Variants in CFAP46 observed in about 807,000 individuals in gnomAD.
CFAP46 encodes the protein cilia- and flagella-associated protein 46.
Under a neutral mutation model 325.7 loss-of-function variants are expected in CFAP46, and 245 were observed. The observed-to-expected ratio is 0.75, with a 90% CI of 0.68 to 0.84. The LOEUF is 0.84. Among genes scored for constraint, CFAP46 ranks in the 40% least tolerant of loss-of-function variants. The probability of loss-of-function intolerance (pLI) is 0.00; values close to 1 mark genes in which losing one functional copy is unlikely to be tolerated. For synonymous variants in CFAP46, 1,523 were observed against 1,495.9 expected (o/e 1.02, Z -0.42); for missense variants, 3,346 against 3,543.0 (o/e 0.94, Z 1.41).
At chr10:132,900,218 A>AGAGCCCTGCTGCCC (rs1488617446) in intron 22 of CFAP46, among the ~76,000 whole-genome samples, 1 of 152,208 alleles carries the variant, frequency 6.6e-6, no homozygotes, top group East Asian at 1.9e-4. Context: ...CTCCCCTCTA[A>AGAGCCCTGCTGCCC]GAGCCCTGCT....
intron 34 of CFAP46, among the ~76,000 whole-genome samples, chr10:132,866,498 C>T (rs200944754): frequency 6.6e-6 from 1 of 152,242 alleles, no homozygotes; most frequent in Non-Finnish European, 1.5e-5. Flanking sequence ...GTGTAGGACC[C>T]CTTGCCCCAC....
chr10:132,940,808 C>T (rs1327493905), intron 4 of CFAP46, among the ~76,000 whole-genome samples, 188 bp downstream of exon 4: 2 of 152,188 alleles, frequency 1.3e-5, no homozygotes, highest in East Asian at 1.9e-4. Flanking sequence ...GGCTGTTACT[C>T]GGAATTCGGC....
chr10:132,878,735 C>T (rs1405560893), intron 29 of CFAP46, among the ~76,000 whole-genome samples: 1 of 152,210 alleles, frequency 6.6e-6, no homozygotes, highest in African/African-American at 2.4e-5. Flanking sequence ...GGGGGCCTCC[C>T]TGCCTTTCCT....
intron 22 of CFAP46, 107 bp from the exon 23 acceptor site, chr10:132,899,773 A>T: frequency 7.0e-6 from 9 of 1,287,412 alleles, no homozygotes; most frequent in Non-Finnish European, 8.3e-6. Context: ...GTATTCTAAG[A>T]TGGGGCACCT....
chr10:132,853,307 C>T (rs1170996211), intron 39 of CFAP46, among the ~76,000 whole-genome samples: 2 of 152,114 alleles, frequency 1.3e-5, no homozygotes, highest in Admixed American at 6.5e-5. Context: ...CAAAGATGAT[C>T]ATATGGTTTT....
rs965675782 is a variant in CFAP46, at chr10:132,889,104, T to G, written c.3305-3145A>C. On this transcript the variant is annotated intron_variant, in intron 25 of 57. Coordinates refer to ENST00000368586, the MANE Select transcript of CFAP46 (RefSeq NM_001200049.3). This position sits in a 1 kb window ranked among gnomAD's most constrained non-coding sequence, Gnocchi z 6.0. ...TGACCCCAAGGAAAGACAAACCCCT[T>G]TCTCCCAGCGCCCTCCCCCAGCACT... Among the ~76,000 whole-genome samples, 1 of 152,152 alleles carries G rather than the reference T, an allele frequency of 6.6e-6. No individual in the cohort carries two copies. The highest frequency in any genetic ancestry group is 1.5e-5 in the Non-Finnish European group (1 of 68,018).
rs1375960730 is a variant in CFAP46 at position 132,885,754 on chromosome 10, C to T, written c.3443+67G>A. On this transcript the variant is annotated intron_variant, in intron 26 of 57. Coordinates refer to ENST00000368586, the MANE Select transcript of CFAP46 (RefSeq NM_001200049.3). Reference sequence around the variant, plus strand: ...ACTCACAGGCGGTGTGGGGAGCACTCACAGGCGGTGGGGGGAGCACTCAGG... The same window carrying T: ...ACTCACAGGCGGTGTGGGGAGCACTTACAGGCGGTGGGGGGAGCACTCAGG... 8 of 1,452,432 alleles carry T rather than the reference C, an allele frequency of 5.5e-6. No homozygotes were observed. In the South Asian group the frequency reaches 9.0e-5, roughly 16 times the overall value. The allele number at this position is 1,452,432 out of a possible 1,614,324, so 90.0% of individuals were successfully genotyped here.
intron 49 of CFAP46, 100 bp downstream of exon 49, chr10:132,833,941 G>C: frequency 9.2e-7 from 1 of 1,087,538 alleles, no homozygotes; most frequent in East Asian, 2.4e-5. Context: ...CTGGGTTCCT[G>C]ACCCCCCCTG....
intron 50 of CFAP46, among the ~76,000 whole-genome samples, chr10:132,822,853 T>TG (rs1363519583): frequency 7.2e-6 from 1 of 139,318 alleles, no homozygotes; most frequent in Non-Finnish European, 1.6e-5. Flanking sequence ...GTGTGCACTG[T>TG]GTGCTGTGTG....
chr10:132,809,353 C>T lies in CFAP46; in HGVS notation c.7665-449G>A, dbSNP rs562176563. ...CAGCCAGCCTGGCTCTGCCCTTCCC[C>T]GATTCCCCAGCAGGGCATCGTGTGG... is the stretch of plus-strand genomic sequence containing the variant. On this transcript the variant is annotated intron_variant, in intron 57 of 57. Coordinates refer to ENST00000368586, the MANE Select transcript of CFAP46 (RefSeq NM_001200049.3). Among the ~76,000 whole-genome samples the T allele has an allele frequency of 1.1e-4, 16 of 152,346 alleles. No homozygotes were observed. The South Asian group carries it at 2.9e-3, about 28-fold the overall frequency.
chr10:132,880,932 C>G lies in CFAP46; in HGVS notation c.3728G>C (p.Arg1243Pro), dbSNP rs201792620. 1.3e-6 allele frequency: 2 copies of G among 1,550,244 alleles called. No individual in the cohort carries two copies. Among genetic ancestry groups the G allele is most frequent in the Non-Finnish European group, 1.7e-6 (2 of 1,146,904 alleles). Residue 1243 changes from arginine to proline, a missense_variant, in exon 28 of 58, where the codon CGC becomes CCC. Arg to Pro is a moderately radical substitution (Grantham distance 103). Transcript: ENST00000368586. ...GGCCAGCAGGATCTCGACAGCCCAG[C>G]GGAGGTGGAAGACCACGTCCTCGAG... ...FPLEDVVFHL[R>P]WAVEILLAMK... is the part of the protein sequence containing the mutation.
chr10:132,942,369 C>A, intron 1 of CFAP46, 67 bp downstream of exon 1: 1 of 1,328,558 alleles, frequency 7.5e-7, no homozygotes, highest in Non-Finnish European at 9.7e-7. Context: ...GGGGCCTCCC[C>A]GGGGCGGGGG....
chr10:132,929,225 G>C (rs1204688615), intron 9 of CFAP46: 4 of 465,628 alleles, frequency 8.6e-6, no homozygotes, highest in East Asian at 6.5e-5. Context: ...CTAATAATAA[G>C]ATACAATCAT....
Position 132,877,960 on chromosome 10 carries a change from C to T in CFAP46, c.4133G>A (p.Ser1378Asn), listed in dbSNP as rs1848980724. The T allele has an allele frequency of 2.6e-6, 4 of 1,549,268 alleles. No homozygotes were observed. Among genetic ancestry groups the T allele is most frequent in the Admixed American group, 3.9e-5 (2 of 50,822 alleles). ...ERSKEKEKER[S>N]KEKENERSKE... is the part of the protein sequence containing the mutation. ...ACTCCTCTCATTCTCCTTCTCTTTA[C>T]TCCTCTCCTTCTCCTTCTCTTTACT... The change falls in exon 30 of 58, where the codon AGT (serine) becomes AAT (asparagine). Residue 1378 changes from serine (S) to asparagine (N), a missense_variant. Coordinates refer to ENST00000368586, the MANE Select transcript of CFAP46 (RefSeq NM_001200049.3). The surrounding 1 kb of genome is among the most constrained non-coding windows in gnomAD (Gnocchi z 5.7).
Position 132,938,810 on chromosome 10 carries a change from G to T in CFAP46, c.372-57C>A, listed in dbSNP as rs112101519. 4,605 of 1,547,494 alleles carry T rather than the reference G, an allele frequency of 3.0e-3. 127 individuals are homozygous for T. The African/African-American group carries it at 0.053, about 18-fold the overall frequency. ...GCTCAAAGCCCAGCCGGCCCAAGCT[G>T]CAGAACCAAGGGGCCGCTGTGTCTC... On this transcript the variant is annotated intron_variant, in intron 4 of 57. Coordinates refer to ENST00000368586, the MANE Select transcript of CFAP46 (RefSeq NM_001200049.3).
At chr10:132,864,754 C>T (rs1178970528) in intron 35 of CFAP46, among the ~76,000 whole-genome samples, 7 of 141,666 alleles carry the variant, frequency 4.9e-5, no homozygotes, top group African/African-American at 1.6e-4. Context: ...ACACTCCTCT[C>T]CCCCTGCCTG....
intron 41 of CFAP46, among the ~76,000 whole-genome samples, chr10:132,849,809 G>A (rs1172803683): frequency 6.6e-6 from 1 of 152,184 alleles, no homozygotes; most frequent in Non-Finnish European, 1.5e-5. Flanking sequence ...TGGCATGGGG[G>A]CCACGGCGCC....
rs865900806 is a variant in CFAP46 at position 132,832,397 on chromosome 10, C to T, written c.7117+961G>A. Among the ~76,000 whole-genome samples the T allele has an allele frequency of 2.1e-5, 3 of 142,694 alleles. No homozygotes were observed. Among genetic ancestry groups the T allele is most frequent in the Admixed American group, 1.4e-4 (2 of 14,460 alleles). The allele number at this position is 142,694 out of a possible 152,430, so 93.6% of individuals were successfully genotyped here. A position where few individuals can be genotyped will look rare whatever the true frequency, so the allele number is the denominator to read the frequency against. On this transcript the variant is annotated intron_variant, in intron 50 of 57. Coordinates refer to ENST00000368586, the MANE Select transcript of CFAP46 (RefSeq NM_001200049.3). This position sits in a 1 kb window ranked among gnomAD's most constrained non-coding sequence, Gnocchi z 4.1. ...CCCCTGGGCTCTTCCTGCCCCCCCC[C>T]CCCAATGCTGTGGCCTGGAAATTCC...
intron 33 of CFAP46, among the ~76,000 whole-genome samples, chr10:132,868,155 C>T (rs954981591): frequency 9.8e-5 from 15 of 152,340 alleles, no homozygotes; most frequent in African/African-American, 3.4e-4. Context: ...CAGGCCTCCC[C>T]GGCCACGCGC....
Sources: allele counts gnomAD v4.1 joint callset (sites outside exome capture counted in the v4.1 genomes callset), GRCh38; gene constraint gnomAD v4.1.1; non-coding constraint Gnocchi (gnomAD v3.1); transcripts MANE v1.5; gene names NCBI Gene and HGNC (gene_info 2026-07-23, HGNC 2026-07-21).